The following IGFL2 variants were observed in gnomAD, a reference collection of about 807,000 sequenced individuals.
The protein encoded by IGFL2 is IGF like family member 2.
A neutral mutation model predicts 13.9 loss-of-function variants in IGFL2; 7 were observed. The ratio of observed to expected loss-of-function variants is 0.51; its 90% CI spans 0.29 to 0.95. The LOEUF (loss-of-function observed/expected upper bound fraction) is 0.95. IGFL2 is among the 40% of genes least tolerant of loss of function. The pLI, the probability that IGFL2 is intolerant of heterozygous loss-of-function variation, is 0.08. For synonymous variants in IGFL2, 55 were observed against 55.8 expected (o/e 0.99, Z 0.07); for missense variants, 138 against 147.8 (o/e 0.93, Z 0.34).
chr19:46,214,026 T>C, the IGFL2 span: 4 of 152,546 alleles, frequency 2.6e-5, no homozygotes, highest in Admixed American at 6.5e-5. Context: ...CGAGTGGCCT[T>C]GCTCAGCTCC....
chr19:46,110,837 C>CTGTTTCTATAT, the IGFL2 span, among the ~76,000 whole-genome samples: 1 of 152,108 alleles, frequency 6.6e-6, no homozygotes, highest in East Asian at 1.9e-4. Context: ...TTTTAAAATT[C>CTGTTTCTATAT]TGTTTCTATA....
upstream of IGFL2, among the ~76,000 whole-genome samples, chr19:46,143,421 A>G (rs1027390822): frequency 6.9e-6 from 1 of 144,860 alleles, no homozygotes; most frequent in Non-Finnish European, 1.5e-5. Context: ...TTTTTTTGAG[A>G]CAAGAGTCTC....
the IGFL2 span, among the ~76,000 whole-genome samples, chr19:46,196,690 G>A: frequency 2.6e-5 from 4 of 152,186 alleles, no homozygotes; most frequent in Non-Finnish European, 4.4e-5. Context: ...GCCTTGCCCA[G>A]GACCCTTGAG....
the IGFL2 span, among the ~76,000 whole-genome samples, chr19:46,187,486 A>G: frequency 1.5e-5 from 2 of 133,532 alleles, no homozygotes; most frequent in Non-Finnish European, 1.6e-5. Context: ...ACCCGTTTAA[A>G]CCTGAGGTTG....
chr19:46,147,622 C>T (rs1033406076), upstream of IGFL2, among the ~76,000 whole-genome samples: 5 of 152,180 alleles, frequency 3.3e-5, no homozygotes, highest in Non-Finnish European at 5.9e-5. Flanking sequence ...GTGACCCCAT[C>T]GTACTTAGCC....
At chr19:46,210,575 G>A in the IGFL2 span, among the ~76,000 whole-genome samples, 2,142 of 152,274 alleles carry the variant, frequency 0.014, 46 homozygotes, top group East Asian at 0.081. Context: ...GCTGAAGAAC[G>A]TGGAGTCTGA....
At chr19:46,085,383 T>C in the IGFL2 span, among the ~76,000 whole-genome samples, 1 of 152,262 alleles carries the variant, frequency 6.6e-6, no homozygotes, top group Admixed American at 6.5e-5. Flanking sequence ...TCTATCATTA[T>C]GTAATGCCCT....
At chr19:46,167,678 C>T in the IGFL2 span, among the ~76,000 whole-genome samples, 1 of 152,162 alleles carries the variant, frequency 6.6e-6, no homozygotes, top group Non-Finnish European at 1.5e-5. Flanking sequence ...GCCCTGAAAC[C>T]CACTGTAGCT....
chr19:46,132,690 AAAG>A, the IGFL2 span, among the ~76,000 whole-genome samples: 52,108 of 145,984 alleles, frequency 0.36, 11,314 homozygotes, highest in Middle Eastern at 0.5. Context: ...GAGGGAGAGG[AAAG>A]AAGAAGAAAG....
At chr19:46,113,640 T>C in the IGFL2 span, 33 of 252,726 alleles carry the variant, frequency 1.3e-4, no homozygotes, top group Non-Finnish European at 2.5e-5. Flanking sequence ...CTGGGAGCTG[T>C]ATGAAAACCA....
chr19:46,212,749 A>T, the IGFL2 span: 1 of 149,608 alleles, frequency 6.7e-6, no homozygotes, highest in Non-Finnish European at 1.5e-5. Context: ...TCTCACTGTC[A>T]TGAACGTCAC....
chr19:46,137,156 G>A, the IGFL2 span: 25 of 1,608,902 alleles, frequency 1.6e-5, no homozygotes, highest in Non-Finnish European at 1.8e-5. Flanking sequence ...CTCCTCTAGA[G>A]CTGGCATGAA....
At chr19:46,188,257 G>A in the IGFL2 span, among the ~76,000 whole-genome samples, 1 of 152,122 alleles carries the variant, frequency 6.6e-6, no homozygotes, top group African/African-American at 2.4e-5. Context: ...AGGGCATCTT[G>A]TGCATGTCAG....
chr19:46,167,779 A>G, the IGFL2 span, among the ~76,000 whole-genome samples: 9 of 152,168 alleles, frequency 5.9e-5, 1 homozygote, highest in Non-Finnish European at 1.5e-5. Flanking sequence ...AAGAAGAGCC[A>G]CCAGAGAGCT....
the IGFL2 span, among the ~76,000 whole-genome samples, chr19:46,215,086 T>C: frequency 6.6e-6 from 1 of 152,142 alleles, no homozygotes; most frequent in Non-Finnish European, 1.5e-5. Flanking sequence ...TGTTCCTGAA[T>C]AGCCACCGTC....
At chr19:46,136,643 G>A in the IGFL2 span, 1 of 412,588 alleles carries the variant, frequency 2.4e-6, no homozygotes, top group Non-Finnish European at 4.7e-6. Flanking sequence ...GCAATCCCAT[G>A]TGCAGATATT....
intron 1 of IGFL2, among the ~76,000 whole-genome samples, chr19:46,152,293 T>G (rs1321447100): frequency 6.6e-6 from 1 of 151,870 alleles, no homozygotes; most frequent in Non-Finnish European, 1.5e-5. Flanking sequence ...TTTTTCTTTT[T>G]TGAGACAGAA....
chr19:46,155,200 T>C (rs1312013764), intron 1 of IGFL2, among the ~76,000 whole-genome samples: 1 of 152,210 alleles, frequency 6.6e-6, no homozygotes, highest in African/African-American at 2.4e-5. Flanking sequence ...GCCCCGGTGC[T>C]GTAAGCCACA....
chr19:46,200,516 C>CTTTTCTCTTTTT, the IGFL2 span, among the ~76,000 whole-genome samples: 1 of 145,122 alleles, frequency 6.9e-6, no homozygotes, highest in East Asian at 2.0e-4. Context: ...TTTCTCTTTT[C>CTTTTCTCTTTTT]TTTTCTTTTC....
Sources: gnomAD v4.1 joint callset for allele counts (sites outside exome capture counted in the v4.1 genomes callset) on GRCh38, gnomAD v4.1.1 for gene constraint, MANE v1.5 for transcripts, NCBI Gene and HGNC (gene_info 2026-07-23, HGNC 2026-07-21) for gene names.